RNF212: variants seen among roughly 807,000 people sequenced by gnomAD.
RNF212 encodes probable E3 SUMO-protein ligase RNF212.
Under a neutral mutation model 34.7 loss-of-function variants are expected in RNF212, and 33 were observed. The ratio of observed to expected loss-of-function variants is 0.95; its 90% CI spans 0.72 to 1.27. The LOEUF is 1.27. Ranked by LOEUF, RNF212 falls within the 50% of genes most tolerant of loss-of-function variation. The pLI, the probability that RNF212 is intolerant of heterozygous loss-of-function variation, is 0.00. For missense variants in RNF212, 377 were observed against 362.2 expected, an observed-to-expected ratio of 1.04 and a Z score of -0.33; for synonymous variants, 140 against 136.1, an observed-to-expected ratio of 1.03 and a Z score of -0.20.
chr4:1,091,222 G>C (rs1722139656), intron 3 of RNF212, among the ~76,000 whole-genome samples: 1 of 152,184 alleles, frequency 6.6e-6, no homozygotes, highest in Admixed American at 6.5e-5. Flanking sequence ...ACAGAATGAG[G>C]CTAAGCGAGA....
intron 3 of RNF212, chr4:1,094,077 C>A: frequency 7.3e-7 from 1 of 1,366,596 alleles, no homozygotes; most frequent in Non-Finnish European, 9.5e-7. Context: ...GTCTTGGGGA[C>A]CTGGCTGACC....
At chr4:1,063,114 T>C (rs1717855532) in intron 3 of RNF212, among the ~76,000 whole-genome samples, 1 of 152,196 alleles carries the variant, frequency 6.6e-6, no homozygotes, top group Admixed American at 6.5e-5. Flanking sequence ...AGTGTTAGTA[T>C]TAGATGGCAA....
chr4:1,066,512 T>C (rs1049285048), downstream of RNF212, among the ~76,000 whole-genome samples: 16 of 151,446 alleles, frequency 1.1e-4, no homozygotes, highest in African/African-American at 3.6e-4. Context: ...AGTTTTTTTG[T>C]AGAGATGGGG....
chr4:1,079,953 C>T (rs766414209), intron 7 of RNF212, among the ~76,000 whole-genome samples: 2 of 152,218 alleles, frequency 1.3e-5, no homozygotes, highest in African/African-American at 4.8e-5. Flanking sequence ...CCCTGGCATT[C>T]CTCTCTTGCA....
intron 2 of RNF212, among the ~76,000 whole-genome samples, chr4:1,100,552 C>T (rs1177493526): frequency 2.0e-5 from 3 of 152,014 alleles, no homozygotes; most frequent in African/African-American, 7.3e-5. Context: ...GGATTACAGG[C>T]GTGTGCTACT....
In RNF212 at chr4:1,093,451, G is replaced by A. The variant is rs117041041; in HGVS notation, c.247-2613C>T. 6.1e-4 allele frequency: 883 copies of A among 1,437,262 alleles called. 19 individuals are homozygous for A. The East Asian group carries it at 0.019, about 31-fold the overall frequency. The allele number at this position is 1,437,262 out of a possible 1,614,324, so 89.0% of individuals were successfully genotyped here. A position where few individuals can be genotyped will look rare whatever the true frequency, so the allele number is the denominator to read the frequency against. On this transcript the variant is annotated intron_variant, in intron 3 of 9. Coordinates refer to ENST00000433731, the MANE Select transcript of RNF212 (RefSeq NM_001131034.4). ...ATACCACCTCACGTCACACAGCTGC[G>A]GGAAAACTCCACCCTGCGTTTGTGA...
In RNF212 at chr4:1,056,692, GAAC is replaced by G. The variant is rs562257373; in HGVS notation, n.221-192_221-190del. 4.1e-3 allele frequency: 1,981 copies of G among 477,756 alleles called. 3 individuals carry two copies. The highest frequency in any genetic ancestry group is 5.0e-3 in the Non-Finnish European group (1,815 of 366,628). 29.6% of individuals were successfully genotyped at this position (477,756 alleles called of 1,614,324 possible). On this transcript the variant is annotated intron_variant and non_coding_transcript_variant, in intron 4 of 4. Coordinates refer to the RNF212 transcript ENST00000503206. ...TAAAAGTGAACATTACTGCGTTTCT[GAAC>G]AACTAAGGCAAAACTCAGAAACACA...
chr4:1,082,497 C>T (rs576735061), intron 5 of RNF212, among the ~76,000 whole-genome samples: 1 of 152,300 alleles, frequency 6.6e-6, no homozygotes, highest in South Asian at 2.1e-4. Flanking sequence ...GAACAGTCTG[C>T]CCTCAGCAGT....
chr4:1,073,546 T>C (rs1718773433), intron 9 of RNF212, 53 bp downstream of exon 9: 2 of 1,264,794 alleles, frequency 1.6e-6, no homozygotes, highest in Admixed American at 3.4e-5. Context: ...TTTCAGGGAA[T>C]GCATTTTAAT....
chr4:1,104,260 G>A (rs999782842), intron 2 of RNF212, among the ~76,000 whole-genome samples: 4 of 152,252 alleles, frequency 2.6e-5, no homozygotes, highest in Admixed American at 6.5e-5. Flanking sequence ...GCGGACATGC[G>A]AAGATGAATG....
At chr4:1,095,591 A>T (rs1318506551) in intron 3 of RNF212, among the ~76,000 whole-genome samples, 2 of 67,742 alleles carry the variant, frequency 3.0e-5, no homozygotes, top group Non-Finnish European at 2.6e-5. Context: ...CCATGGTCTC[A>T]GCATAGCGCA....
Position 1,085,862 on chromosome 4 carries a change from C to T in RNF212, c.362+34G>A, listed in dbSNP as rs763332067. On this transcript the variant is annotated intron_variant, in intron 5 of 9. Transcript: ENST00000433731. ...CCAATGCACATGGCAGTGGGTGCCTCGACTGCGCACTCACGGGGGGTGGGG... is the reference window on the plus strand; with the variant it reads ...CCAATGCACATGGCAGTGGGTGCCTTGACTGCGCACTCACGGGGGGTGGGG... 20 of 1,524,458 alleles carry T rather than the reference C, an allele frequency of 1.3e-5. No homozygotes were observed. In the South Asian group the frequency reaches 1.5e-4, roughly 11 times the overall value. 94.4% of individuals were successfully genotyped at this position (1,524,458 alleles called of 1,614,324 possible).
At chr4:1,106,031 G>A (rs994995667) in intron 2 of RNF212, among the ~76,000 whole-genome samples, 2 of 152,228 alleles carry the variant, frequency 1.3e-5, no homozygotes, top group African/African-American at 4.8e-5. Context: ...CTGGAAAGTT[G>A]GGATGCATTT....
chr4:1,091,384 A>C (rs1722162455), intron 3 of RNF212, among the ~76,000 whole-genome samples: 1 of 152,104 alleles, frequency 6.6e-6, no homozygotes, highest in Non-Finnish European at 1.5e-5. Flanking sequence ...CAACATAAGG[A>C]GGAAAGAGAG....
chr4:1,082,247 T>C (rs532563577), intron 5 of RNF212, among the ~76,000 whole-genome samples: 1 of 152,328 alleles, frequency 6.6e-6, no homozygotes, highest in Admixed American at 6.5e-5. Flanking sequence ...CCTGGACTGA[T>C]CTCCACGATG....
In RNF212 at chr4:1,090,358, G is replaced by A. The variant is rs62294749; in HGVS notation, c.303+424C>T. Among the ~76,000 whole-genome samples the A allele has an allele frequency of 8.1e-3, 1,239 of 152,272 alleles. 10 individuals carry two copies. Among genetic ancestry groups the A allele is most frequent in the Non-Finnish European group, 0.013 (886 of 68,000 alleles). On this transcript the variant is annotated intron_variant, in intron 4 of 9. Transcript: ENST00000433731. The stretch of plus-strand genomic sequence containing the variant: ...AGCTGGCTTCCAGACTTGGGGAAGC[G>A]GCCCCAGGTTCCCTTGTCTTTAAAG...
chr4:1,079,479 G>A (rs943387627), intron 8 of RNF212, among the ~76,000 whole-genome samples, 164 bp downstream of exon 8: 2 of 152,218 alleles, frequency 1.3e-5, no homozygotes, highest in Admixed American at 6.5e-5. Context: ...CCAGCTTATA[G>A]CCACAGCCCA....
intron 4 of RNF212, among the ~76,000 whole-genome samples, chr4:1,087,804 T>A (rs1315293908): frequency 6.6e-6 from 1 of 151,840 alleles, no homozygotes; most frequent in Non-Finnish European, 1.5e-5. Flanking sequence ...ATCTGATGGT[T>A]TAAAAGTGTT....
upstream of RNF212, chr4:1,113,657 G>C (rs1483790904): frequency 6.2e-6 from 3 of 483,154 alleles, no homozygotes; most frequent in East Asian, 1.1e-4. Flanking sequence ...ACCTGGGAGG[G>C]CGCGTGTGAC....
Sources: gnomAD v4.1 joint callset for allele counts (sites outside exome capture counted in the v4.1 genomes callset) on GRCh38, gnomAD v4.1.1 for gene constraint, MANE v1.5 for transcripts, NCBI Gene and HGNC (gene_info 2026-07-23, HGNC 2026-07-21) for gene names.